Variants in COL24A1 observed in about 807,000 individuals in gnomAD.
COL24A1 encodes the protein collagen type XXIV alpha 1 chain, also known as collagen alpha-1(XXIV) chain.
Under a neutral mutation model 253.9 loss-of-function variants are expected in COL24A1, and 224 were observed. That is an observed-to-expected ratio of 0.88 (90% CI 0.79 to 0.99). The LOEUF (loss-of-function observed/expected upper bound fraction) is 0.99. COL24A1 is among the 50% of genes least tolerant of loss of function. The probability of loss-of-function intolerance (pLI) is 0.00; values close to 1 mark genes in which losing one functional copy is unlikely to be tolerated. For missense variants in COL24A1, 2,131 were observed against 2,068.5 expected (o/e 1.03, Z -0.59); for synonymous variants, 685 against 673.7 (o/e 1.02, Z -0.26).
chr1:86,101,484 TC>T (rs1704448631), intron 5 of COL24A1, among the ~76,000 whole-genome samples: 1 of 152,184 alleles, frequency 6.6e-6, no homozygotes, highest in Non-Finnish European at 1.5e-5. Context: ...GGGTAATGCT[TC>T]CAGCTTTTGC....
At chr1:85,923,518 A>C (rs556058856) in intron 24 of COL24A1, among the ~76,000 whole-genome samples, 11 of 152,310 alleles carry the variant, frequency 7.2e-5, no homozygotes, top group African/African-American at 2.4e-4. Context: ...TAAGAAACTC[A>C]CTCAAAACTG....
rs775219739 is a variant in COL24A1, at chr1:86,125,910, T to C, written c.426A>G (p.Leu142=). 21 of 1,613,078 alleles carry C rather than the reference T, an allele frequency of 1.3e-5. No homozygotes were observed. The South Asian group carries it at 2.2e-4, about 17-fold the overall frequency. The change falls in exon 3 of 60, where the codon TTA becomes TTG. Residue 142 remains leucine (L), a synonymous_variant. Coordinates refer to ENST00000370571, the MANE Select transcript of COL24A1 (RefSeq NM_152890.7). ...QLGVQLLPKK[L]VVHIRGKQPA... ...GCTGCTTTCCTCTAATGTGTACTAC[T>C]AATTTTTTAGGTAGTAATTGTACTC...
chr1:85,996,496 C>CGAAACCCCGTCTCTGCTAAAAAT (rs1553253949), intron 19 of COL24A1, among the ~76,000 whole-genome samples: 31 of 150,446 alleles, frequency 2.1e-4, no homozygotes, highest in East Asian at 5.9e-4. Context: ...ACCAACATGG[C>CGAAACCCCGTCTCTGCTAAAAAT]ATGGTGGTGG....
At chr1:85,831,170 A>C (rs1028575027) in intron 43 of COL24A1, among the ~76,000 whole-genome samples, 30 of 152,094 alleles carry the variant, frequency 2.0e-4, no homozygotes, top group African/African-American at 7.2e-4. Flanking sequence ...GCAAAACATG[A>C]GCAGAGCCAG....
chr1:86,055,223 A>G (rs968634681), intron 10 of COL24A1, among the ~76,000 whole-genome samples: 5 of 152,180 alleles, frequency 3.3e-5, no homozygotes, highest in African/African-American at 9.7e-5. Flanking sequence ...CAGGATCACT[A>G]AAAGCCCAAA....
intron 32 of COL24A1, among the ~76,000 whole-genome samples, chr1:85,879,474 C>G (rs1474609349): frequency 6.6e-6 from 1 of 152,124 alleles, no homozygotes; most frequent in Non-Finnish European, 1.5e-5. Flanking sequence ...GCTTACCACT[C>G]TGTTCCAATG....
chr1:85,870,237 C>A (rs901110313), intron 35 of COL24A1, among the ~76,000 whole-genome samples: 1 of 152,132 alleles, frequency 6.6e-6, no homozygotes, highest in African/African-American at 2.4e-5. Flanking sequence ...GACTCCCACA[C>A]AATAATAATG....
intron 47 of COL24A1, among the ~76,000 whole-genome samples, chr1:85,803,254 T>C (rs1671618513): frequency 6.6e-6 from 1 of 151,952 alleles, no homozygotes; most frequent in Non-Finnish European, 1.5e-5. Context: ...TTGACACCAT[T>C]GTGAAACCCC....
chr1:86,103,597 A>T (rs977541814), intron 5 of COL24A1, among the ~76,000 whole-genome samples: 4 of 152,224 alleles, frequency 2.6e-5, no homozygotes, highest in South Asian at 2.1e-4. Flanking sequence ...CTCCCTCAGC[A>T]TTTGCTTGTC....
chr1:85,964,941 A>G, intron 23 of COL24A1, 68 bp downstream of exon 23: 1 of 1,376,526 alleles, frequency 7.3e-7, no homozygotes, highest in Non-Finnish European at 1.0e-6. Context: ...TCACATTTGT[A>G]TGAAAGTCAT....
chr1:85,741,966 C>T (rs948420370), intron 57 of COL24A1, among the ~76,000 whole-genome samples: 4 of 152,072 alleles, frequency 2.6e-5, no homozygotes, highest in African/African-American at 9.7e-5. Context: ...TTCCCTCCCT[C>T]CTCCTCTGGC....
chr1:85,963,553 C>T (rs759325414), intron 23 of COL24A1, among the ~76,000 whole-genome samples: 12 of 152,132 alleles, frequency 7.9e-5, no homozygotes, highest in Non-Finnish European at 1.8e-4. Context: ...GAGAGAGAAG[C>T]TATTTCCCCA....
chr1:86,055,525 A>G (rs768964764), intron 10 of COL24A1, among the ~76,000 whole-genome samples: 1 of 152,248 alleles, frequency 6.6e-6, no homozygotes, highest in Non-Finnish European at 1.5e-5. Context: ...TATATGGATC[A>G]CTGAAGCAAG....
intron 55 of COL24A1, among the ~76,000 whole-genome samples, chr1:85,756,057 C>CAGA (rs1553166814): frequency 2.1e-5 from 2 of 95,830 alleles, no homozygotes; most frequent in Non-Finnish European, 4.0e-5. Flanking sequence ...TACTAACAAC[C>CAGA]AAAAAAAAAA....
rs371153641 is a variant in COL24A1, at chr1:85,874,639, G to C, written c.3138+10C>G. On this transcript the variant is annotated intron_variant, in intron 35 of 59. Transcript: ENST00000370571. Reference sequence around the variant, plus strand: ...TTAGTGTATTAAAAGAGTTTCAAGGGGGCACTCACCCGTAAACCTGGTTCC... The same window carrying C: ...TTAGTGTATTAAAAGAGTTTCAAGGCGGCACTCACCCGTAAACCTGGTTCC... 1.8e-4 allele frequency: 285 copies of C among 1,611,476 alleles called. No homozygotes were observed. The highest frequency in any genetic ancestry group is 2.2e-4 in the East Asian group (10 of 44,892).
intron 53 of COL24A1, among the ~76,000 whole-genome samples, chr1:85,763,492 C>CTTTTT (rs371408246): frequency 1.6e-5 from 2 of 124,538 alleles, no homozygotes; most frequent in Non-Finnish European, 3.2e-5. Context: ...CTTTTACTTT[C>CTTTTT]TTTTTTTTTT....
At chr1:85,755,067 A>AT (rs1227849101) in intron 55 of COL24A1, among the ~76,000 whole-genome samples, 1 of 152,218 alleles carries the variant, frequency 6.6e-6, no homozygotes, top group Admixed American at 6.5e-5. Flanking sequence ...GAAGCTCATC[A>AT]TGTCCGAGAG....
intron 42 of COL24A1, among the ~76,000 whole-genome samples, chr1:85,838,984 G>A (rs1430803091): frequency 6.6e-6 from 1 of 152,134 alleles, no homozygotes; most frequent in Non-Finnish European, 1.5e-5. Context: ...AGGATCCCTT[G>A]AGCCCAGGAG....
At chr1:86,129,182 C>T (rs932549131) in intron 2 of COL24A1, among the ~76,000 whole-genome samples, 4 of 151,670 alleles carry the variant, frequency 2.6e-5, no homozygotes, top group African/African-American at 9.7e-5. Context: ...TTATATTTTT[C>T]TATGAAATAA....
Sources: allele counts gnomAD v4.1 joint callset (sites outside exome capture counted in the v4.1 genomes callset), GRCh38; gene constraint gnomAD v4.1.1; transcripts MANE v1.5; gene names NCBI Gene and HGNC (gene_info 2026-07-23, HGNC 2026-07-21).